CELF2: variants seen among roughly 807,000 people sequenced by gnomAD.
The protein encoded by CELF2 is CUGBP Elav-like family member 2.
A neutral mutation model predicts 62.6 loss-of-function variants in CELF2; 8 were observed. That is an observed-to-expected ratio of 0.13 (90% CI 0.07 to 0.23). CELF2 has a LOEUF of 0.23. Among genes scored for constraint, CELF2 ranks in the 10% least tolerant of loss-of-function variants. The pLI is 1.00. For synonymous variants in CELF2, 258 were observed against 250.0 expected (o/e 1.03, Z -0.30); for missense variants, 333 against 671.0 (o/e 0.50, Z 5.56).
chr10:11,275,153 G>T lies in CELF2; in HGVS notation c.841+33G>T, dbSNP rs190297625. On this transcript the variant is annotated intron_variant, in intron 8 of 12. Coordinates refer to ENST00000633077, the MANE Select transcript of CELF2 (RefSeq NM_001326342.2). ...AGGAAGCACGCCTCTCCTTTTGACCGTGCTATTGTCAGAATTTGGGGTTGG... is the reference window on the plus strand; with the variant it reads ...AGGAAGCACGCCTCTCCTTTTGACCTTGCTATTGTCAGAATTTGGGGTTGG... The T allele has an allele frequency of 2.1e-4, 341 of 1,609,072 alleles. 2 individuals carry two copies. The South Asian group carries it at 3.5e-3, about 16-fold the overall frequency.
At chr10:10,477,488 T>A in the CELF2 span, among the ~76,000 whole-genome samples, 1 of 152,144 alleles carries the variant, frequency 6.6e-6, no homozygotes, top group African/African-American at 2.4e-5. Context: ...CTGGTGGGCA[T>A]TCAGTCATCC....
chr10:11,111,356 C>T (rs559900024), intron 1 of CELF2, among the ~76,000 whole-genome samples: 15 of 152,286 alleles, frequency 9.8e-5, no homozygotes, highest in African/African-American at 3.4e-4. Context: ...AGAGTGGATT[C>T]TGTTGCGAGG....
At chr10:10,735,597 A>T in the CELF2 span, among the ~76,000 whole-genome samples, 3 of 152,218 alleles carry the variant, frequency 2.0e-5, no homozygotes, top group Non-Finnish European at 4.4e-5. Context: ...ATGAATATCT[A>T]TTTCAATTTA....
At chr10:10,800,019 C>G (rs954873044) in intron 1 of CELF2, among the ~76,000 whole-genome samples, 8 of 152,056 alleles carry the variant, frequency 5.3e-5, no homozygotes, top group Admixed American at 2.0e-4. Context: ...ACTGGAACTT[C>G]TTTTTCCTGA....
At chr10:10,999,072 A>G (rs955976924) in intron 2 of CELF2, among the ~76,000 whole-genome samples, 1 of 152,246 alleles carries the variant, frequency 6.6e-6, no homozygotes, top group Non-Finnish European at 1.5e-5. Context: ...CAAGGAATGT[A>G]TCAAATCCTT....
In CELF2 at chr10:11,269,332, A is replaced by G. The variant is rs2083069857; in HGVS notation, c.619-1334A>G. ...AGTTTAACACTGAAATATTCATCTC[A>G]TTTTTCTCACTTTTTTTTATTAACA... On this transcript the variant is annotated intron_variant, in intron 6 of 12. Coordinates refer to ENST00000633077, the MANE Select transcript of CELF2 (RefSeq NM_001326342.2). The surrounding 1 kb of genome is among the most constrained non-coding windows in gnomAD (Gnocchi z 4.4). Among the ~76,000 whole-genome samples the G allele has an allele frequency of 6.6e-6, 1 of 152,080 alleles. No homozygotes were observed. Among genetic ancestry groups the G allele is most frequent in the Non-Finnish European group, 1.5e-5 (1 of 68,014 alleles).
the CELF2 span, among the ~76,000 whole-genome samples, chr10:10,608,435 G>C: frequency 6.6e-6 from 1 of 152,172 alleles, no homozygotes. Context: ...CATCCCACAG[G>C]ATCCTTAATT....
chr10:10,680,501 C>T, the CELF2 span, among the ~76,000 whole-genome samples: 4 of 152,176 alleles, frequency 2.6e-5, no homozygotes, highest in East Asian at 7.7e-4. Flanking sequence ...CTCCCAGAAA[C>T]ATGATGTATG....
At chr10:11,144,317 T>A (rs2061859639) in intron 1 of CELF2, among the ~76,000 whole-genome samples, 1 of 152,120 alleles carries the variant, frequency 6.6e-6, no homozygotes, top group Non-Finnish European at 1.5e-5. Context: ...CAAATAGTAG[T>A]TCGATATTAT....
intron 2 of CELF2, among the ~76,000 whole-genome samples, chr10:10,981,697 T>C (rs1279216007): frequency 1.3e-5 from 2 of 152,226 alleles, no homozygotes; most frequent in African/African-American, 4.8e-5. Context: ...TGAGAACCTA[T>C]AGAAATAATA....
chr10:10,789,627 C>T, the CELF2 span, among the ~76,000 whole-genome samples: 5 of 152,238 alleles, frequency 3.3e-5, no homozygotes, highest in East Asian at 7.7e-4. Flanking sequence ...TGTATCATTA[C>T]ATATAATCAA....
chr10:10,788,837 C>T, the CELF2 span, among the ~76,000 whole-genome samples: 2 of 152,096 alleles, frequency 1.3e-5, no homozygotes, highest in Non-Finnish European at 1.5e-5. Flanking sequence ...CACCTCAATG[C>T]GTTTTTGTCT....
At chr10:11,195,597 G>A (rs548111672) in intron 2 of CELF2, among the ~76,000 whole-genome samples, 1 of 152,310 alleles carries the variant, frequency 6.6e-6, no homozygotes, top group Non-Finnish European at 1.5e-5. Context: ...GCGTCTGATT[G>A]GAATTAGAAG....
chr10:10,777,458 C>G, the CELF2 span, among the ~76,000 whole-genome samples: 1 of 152,188 alleles, frequency 6.6e-6, no homozygotes, highest in East Asian at 1.9e-4. Flanking sequence ...TATCACACCT[C>G]ACCCCTCTAT....
intron 5 of CELF2, 67 bp downstream of exon 5, chr10:11,257,939 C>T (rs896338759): frequency 6.3e-7 from 1 of 1,579,938 alleles, no homozygotes; most frequent in South Asian, 1.1e-5. Context: ...ACAGTCGAGA[C>T]AGATGTAGGC....
chr10:11,274,851 AG>A (rs2085391659), intron 7 of CELF2, among the ~76,000 whole-genome samples: 1 of 9,200 alleles, frequency 1.1e-4, no homozygotes, highest in Admixed American at 7.9e-3. Flanking sequence ...CAGCAGTGTT[AG>A]TGAGTTTCCC....
chr10:11,263,039 A>G (rs1009092739), intron 5 of CELF2, among the ~76,000 whole-genome samples: 1 of 139,784 alleles, frequency 7.2e-6, no homozygotes, highest in African/African-American at 2.6e-5. Context: ...ACCTGAGTTA[A>G]GATATCCTTT....
intron 8 of CELF2, among the ~76,000 whole-genome samples, chr10:11,275,836 C>G (rs1030688607): frequency 1.3e-5 from 2 of 152,158 alleles, no homozygotes; most frequent in African/African-American, 4.8e-5. Context: ...ATTTCCCTAC[C>G]TAACACGGGG....
the CELF2 span, among the ~76,000 whole-genome samples, chr10:10,773,241 G>A: frequency 1.3e-5 from 2 of 152,120 alleles, no homozygotes; most frequent in African/African-American, 4.8e-5. Flanking sequence ...GGGGATTATT[G>A]TGTTATATGT....
Sources: gnomAD v4.1 joint callset for allele counts (sites outside exome capture counted in the v4.1 genomes callset) on GRCh38, gnomAD v4.1.1 for gene constraint, Gnocchi (gnomAD v3.1) non-coding constraint, MANE v1.5 for transcripts, NCBI Gene and HGNC (gene_info 2026-07-23, HGNC 2026-07-21) for gene names.